Variants in RHAG observed in about 807,000 individuals in gnomAD.
RHAG encodes the protein Rh associated glycoprotein.
RHAG carries 25 observed loss-of-function variants against 42.4 expected under a neutral mutation model. That is an observed-to-expected ratio of 0.59 (90% CI 0.43 to 0.82). The LOEUF (loss-of-function observed/expected upper bound fraction) is 0.82. Among genes scored for constraint, RHAG ranks in the 40% least tolerant of loss-of-function variants. RHAG has a pLI of 0.00. For synonymous variants in RHAG, 182 were observed against 177.7 expected (o/e 1.02, Z -0.19); for missense variants, 483 against 504.6 (o/e 0.96, Z 0.41).
At chr6:49,617,829 T>A (rs1257322433) in intron 3 of RHAG, among the ~76,000 whole-genome samples, 2 of 152,216 alleles carry the variant, frequency 1.3e-5, no homozygotes, top group Non-Finnish European at 2.9e-5. Context: ...GTTTTTATGG[T>A]GTATACATGA....
chr6:49,636,441 T>C (rs1166725223), intron 1 of RHAG, among the ~76,000 whole-genome samples: 4 of 152,144 alleles, frequency 2.6e-5, no homozygotes, highest in Non-Finnish European at 5.9e-5. Context: ...TTCAGCTTCT[T>C]GTTCTGATAT....
chr6:49,608,666 C>T (rs1335546748), intron 7 of RHAG, among the ~76,000 whole-genome samples: 4 of 152,244 alleles, frequency 2.6e-5, no homozygotes, highest in South Asian at 4.1e-4. Context: ...CTTGAGCCAC[C>T]GTGTCCGGTC....
chr6:49,606,793 A>T (rs1762475430), intron 9 of RHAG, 55 bp downstream of exon 9: 3 of 1,200,806 alleles, frequency 2.5e-6, no homozygotes, highest in Non-Finnish European at 2.5e-6. Flanking sequence ...AAGTGTGTAA[A>T]GCTTTCACTA....
intron 5 of RHAG, among the ~76,000 whole-genome samples, chr6:49,614,467 G>A (rs889493801): frequency 2.0e-5 from 3 of 151,946 alleles, no homozygotes; most frequent in Admixed American, 2.0e-4. Flanking sequence ...CTCCCAAAGT[G>A]CTGGGATTAC....
intron 3 of RHAG, among the ~76,000 whole-genome samples, chr6:49,616,948 G>A (rs989283431): frequency 7.9e-5 from 12 of 152,258 alleles, no homozygotes; most frequent in Middle Eastern, 3.4e-3. Flanking sequence ...TACCATGTGA[G>A]TCTGTGCCTA....
intron 2 of RHAG, 46 bp from the exon 3 acceptor site, chr6:49,618,264 T>G (rs1409376627): frequency 2.5e-6 from 4 of 1,610,014 alleles, no homozygotes; most frequent in Non-Finnish European, 2.5e-6. Context: ...ACACCCAACA[T>G]AAAACTGACC....
intron 1 of RHAG, among the ~76,000 whole-genome samples, chr6:49,622,491 A>G (rs62412400): frequency 0.05 from 7,559 of 151,950 alleles, 277 homozygotes; most frequent in South Asian, 0.11. Flanking sequence ...TTACAGGCGT[A>G]AGCCACCGCG....
chr6:49,617,985 C>T lies in RHAG; in HGVS notation c.492+83G>A, dbSNP rs188972506. On this transcript the variant is annotated intron_variant, in intron 3 of 9. Coordinates refer to ENST00000371175, the MANE Select transcript of RHAG (RefSeq NM_000324.3). Reference sequence around the variant, plus strand: ...GTATCACTCTCACCAAGATTTGCTCCCATATACCGTAGACACCCATTGTTT... The same window carrying T: ...GTATCACTCTCACCAAGATTTGCTCTCATATACCGTAGACACCCATTGTTT... 57 of 1,249,348 alleles carry T rather than the reference C, an allele frequency of 4.6e-5. 1 individual carries two copies. The East Asian group carries it at 1.4e-3, about 30-fold the overall frequency. The allele number at this position is 1,249,348 out of a possible 1,614,324, so 77.4% of individuals were successfully genotyped here.
chr6:49,611,742 T>C (rs992859797), intron 6 of RHAG, among the ~76,000 whole-genome samples: 27 of 143,828 alleles, frequency 1.9e-4, no homozygotes, highest in Admixed American at 3.4e-4. Context: ...AAATCTCTCT[T>C]TTTTTTTTTT....
chr6:49,617,180 T>C (rs745962269), intron 3 of RHAG, among the ~76,000 whole-genome samples: 12 of 152,208 alleles, frequency 7.9e-5, no homozygotes, highest in Non-Finnish European at 1.6e-4. Flanking sequence ...TGGTTGTTGT[T>C]ACCTTGGCTT....
intron 1 of RHAG, among the ~76,000 whole-genome samples, chr6:49,626,415 C>T (rs1339510072): frequency 1.3e-5 from 2 of 152,156 alleles, no homozygotes; most frequent in Non-Finnish European, 2.9e-5. Flanking sequence ...CTTAAATTTC[C>T]AAAATGAACT....
At chr6:49,615,879 TAA>T in intron 3 of RHAG, 108 bp from the exon 4 acceptor site, 1 of 1,091,834 alleles carries the variant, frequency 9.2e-7, no homozygotes, top group Non-Finnish European at 1.4e-6. Context: ...TTAAAAAAAT[TAA>T]AGAGGGACAG....
chr6:49,629,664 G>A (rs1198660637), intron 1 of RHAG, among the ~76,000 whole-genome samples: 8 of 152,166 alleles, frequency 5.3e-5, no homozygotes, highest in Non-Finnish European at 8.8e-5. Flanking sequence ...GCTCAGGCAT[G>A]GCGGGCTGCA....
At position 49,626,087 on chromosome 6, in the gene RHAG, A is replaced by G. The variant is rs143982691; in HGVS notation, c.158-6725T>C. ...CAAGATGAGATTTGAGTGGGAACAC[A>G]GACAAACCATCTCATTTCGCTCCAG... On this transcript the variant is annotated intron_variant, in intron 1 of 9. Transcript: ENST00000371175. Among the ~76,000 whole-genome samples, 36 of 152,330 alleles carry G rather than the reference A, an allele frequency of 2.4e-4. No homozygotes were observed. In the East Asian group the frequency reaches 6.8e-3, roughly 29 times the overall value.
At chr6:49,609,585 T>C (rs1222406175) in intron 7 of RHAG, among the ~76,000 whole-genome samples, 3 of 152,212 alleles carry the variant, frequency 2.0e-5, no homozygotes, top group African/African-American at 7.2e-5. Flanking sequence ...AAGATGTGCA[T>C]ATTCTGGAGC....
At chr6:49,621,284 G>T (rs935528244) in intron 1 of RHAG, among the ~76,000 whole-genome samples, 6 of 152,136 alleles carry the variant, frequency 3.9e-5, no homozygotes, top group African/African-American at 1.4e-4. Context: ...GAAACCCTAA[G>T]CTCTCAATTC....
chr6:49,628,744 G>T (rs181015563), intron 1 of RHAG, among the ~76,000 whole-genome samples: 3 of 151,444 alleles, frequency 2.0e-5, no homozygotes, highest in Non-Finnish European at 2.9e-5. Context: ...TTAAGGTGGC[G>T]CGTCTCGAGT....
At chr6:49,612,362 T>G (rs749121636) in intron 6 of RHAG, 35 bp downstream of exon 6, 1 of 1,612,158 alleles carries the variant, frequency 6.2e-7, no homozygotes, top group East Asian at 2.2e-5. Context: ...AAGGTGCAGA[T>G]TCAGAGTTTG....
At chr6:49,608,128 A>C (rs1432524646) in intron 7 of RHAG, among the ~76,000 whole-genome samples, 1 of 152,298 alleles carries the variant, frequency 6.6e-6, no homozygotes, top group African/African-American at 2.4e-5. Context: ...GTAAAATAAA[A>C]ACATGTATTT....
Sources: gnomAD v4.1 joint callset for allele counts (sites outside exome capture counted in the v4.1 genomes callset) on GRCh38, gnomAD v4.1.1 for gene constraint, MANE v1.5 for transcripts, NCBI Gene and HGNC (gene_info 2026-07-23, HGNC 2026-07-21) for gene names.